The following AXIN1 variants were observed in gnomAD, a reference collection of about 807,000 sequenced individuals.
AXIN1 encodes the protein axin 1.
AXIN1 carries 30 observed loss-of-function variants against 76.4 expected under a neutral mutation model. That is an observed-to-expected ratio of 0.39 (90% CI 0.29 to 0.53). AXIN1 has a LOEUF of 0.53. AXIN1 is among the 20% of genes least tolerant of loss of function. The pLI is 0.66. For synonymous variants in AXIN1, 545 were observed against 501.4 expected (o/e 1.09, Z -1.16); for missense variants, 1,140 against 1,198.8 (o/e 0.95, Z 0.72).
intron 5 of AXIN1, chr16:299,146 C>T: frequency 3.0e-6 from 3 of 985,436 alleles, no homozygotes; most frequent in Non-Finnish European, 3.6e-6. Context: ...TGACGAGCTT[C>T]CACATGAAGC....
intron 2 of AXIN1, among the ~76,000 whole-genome samples, chr16:330,216 A>G (rs2053666873): frequency 6.6e-6 from 1 of 151,924 alleles, no homozygotes; most frequent in Non-Finnish European, 1.5e-5. Context: ...GCATGCCACC[A>G]CACTCATCTC....
rs1350750415 is a variant in AXIN1 at position 346,537 on chromosome 16, G to A, written c.489C>T (p.Ala163=). 3 of 1,614,066 alleles carry A rather than the reference G, an allele frequency of 1.9e-6. No homozygotes were observed. The African/African-American group carries it at 4.0e-5, about 22-fold the overall frequency. Residue 163 remains alanine, a synonymous_variant, in exon 2 of 11, where the codon GCC becomes GCT. Coordinates refer to ENST00000262320, the MANE Select transcript of AXIN1 (RefSeq NM_003502.4). ...TGCAGCCCTTTATGAAGCTCTTGGT[G>A]GCTGGCTTGGTCTGCCGGGACACGA... ...NGIVSRQTKP[A]TKSFIKGCIM...
rs1309987715 is a variant in AXIN1, at chr16:320,721, GTGTATATA to G, written c.879-6046_879-6039del. On this transcript the variant is annotated intron_variant, in intron 2 of 10. Transcript: ENST00000262320. ...TATATGCATACGTATATGCGTGTGT[GTGTATATA>G]TATATATATATATATTTTTTTTTTT... Among the ~76,000 whole-genome samples the G allele has an allele frequency of 1.9e-3, 226 of 120,072 alleles. 2 individuals are homozygous for G. Among genetic ancestry groups the G allele is most frequent in the Non-Finnish European group, 2.8e-3 (165 of 59,758 alleles). 78.8% of individuals were successfully genotyped at this position (120,072 alleles called of 152,430 possible).
intron 1 of AXIN1, among the ~76,000 whole-genome samples, chr16:350,469 C>T (rs1038056273): frequency 3.9e-5 from 6 of 152,234 alleles, no homozygotes; most frequent in African/African-American, 7.2e-5. Context: ...AATTCCCTTT[C>T]GTCACCGCTT....
intron 2 of AXIN1, among the ~76,000 whole-genome samples, chr16:341,363 G>A (rs140228304): frequency 0.046 from 7,012 of 152,336 alleles, 218 homozygotes; most frequent in Middle Eastern, 0.075. Context: ...CAGAGCAGCC[G>A]GCCAGCCCTG....
chr16:344,154 C>T (rs112190566), intron 2 of AXIN1, among the ~76,000 whole-genome samples: 9,314 of 152,044 alleles, frequency 0.061, 920 homozygotes, highest in African/African-American at 0.21. Context: ...GAAAAAAGGC[C>T]GGGCGTGGTG....
chr16:288,426 G>A (rs543997717), intron 10 of AXIN1, 178 bp from the exon 11 acceptor site: 47 of 884,068 alleles, frequency 5.3e-5, no homozygotes, highest in East Asian at 2.7e-5. Flanking sequence ...ATGACCACAT[G>A]TGGGTGAAGT....
intron 5 of AXIN1, chr16:299,345 T>C (rs1261326696): frequency 4.8e-6 from 3 of 619,082 alleles, no homozygotes; most frequent in Non-Finnish European, 6.0e-6. Context: ...TAAGTTACCA[T>C]GTATCTATGT....
rs2052731212 is a variant in AXIN1 at position 297,080 on chromosome 16, C to T, written c.1931G>A (p.Ser644Asn). Residue 644 changes from serine (S) to asparagine (N), a missense_variant, in exon 7 of 11, where the codon AGC (serine) becomes AAC (asparagine). Ser to Asn is a conservative substitution (Grantham distance 46). Coordinates refer to ENST00000262320, the MANE Select transcript of AXIN1 (RefSeq NM_003502.4). ...QWIIEGEKEI[S>N]RHRRTGHGSS... ...CCCGTGGCCGGTCCTGCGGTGCCTGCTGATCTCCTTTTCCCCCTCAATGAT... is the reference window on the plus strand; with the variant it reads ...CCCGTGGCCGGTCCTGCGGTGCCTGTTGATCTCCTTTTCCCCCTCAATGAT... 3 of 1,612,252 alleles carry T rather than the reference C, an allele frequency of 1.9e-6. No homozygotes were observed. In the South Asian group the frequency reaches 3.3e-5, roughly 18 times the overall value.
chr16:326,394 T>TATATATACACACAC (rs144093618), intron 2 of AXIN1, among the ~76,000 whole-genome samples: 2 of 119,658 alleles, frequency 1.7e-5, no homozygotes, highest in African/African-American at 7.1e-5. Flanking sequence ...TATATATATA[T>TATATATACACACAC]ACACACCTAT....
chr16:314,811 G>A (rs1276825732), intron 2 of AXIN1, 128 bp from the exon 3 acceptor site: 3 of 1,403,774 alleles, frequency 2.1e-6, no homozygotes, highest in Non-Finnish European at 2.9e-6. Context: ...GAGAAAATAA[G>A]GAGCATGGAG....
chr16:307,930 G>T (rs2053071187), intron 4 of AXIN1, among the ~76,000 whole-genome samples: 1 of 152,232 alleles, frequency 6.6e-6, no homozygotes, highest in Admixed American at 6.5e-5. Flanking sequence ...CCCGTGATGT[G>T]GGTTTCTCAC....
At chr16:334,576 CTAAT>C (rs1251127424) in intron 2 of AXIN1, among the ~76,000 whole-genome samples, 3 of 151,752 alleles carry the variant, frequency 2.0e-5, no homozygotes, top group Admixed American at 6.6e-5. Context: ...CCATGGCACA[CTAAT>C]TACACAGCAC....
Position 298,134 on chromosome 16 carries a change from C to T in AXIN1, c.1372G>A (p.Gly458Arg), listed in dbSNP as rs1047458992. 1.0e-5 allele frequency: 16 copies of T among 1,544,034 alleles called. No individual in the cohort carries two copies. The African/African-American group carries it at 1.2e-4, about 12-fold the overall frequency. ...TTCTCCTCGTGTGCATCCCGGAGCC[C>T]GGCACAGCCCATGTCCACACAGCGG... ...PPRCVDMGCA[G>R]LRDAHEENPE... The change falls in exon 6 of 11, where the codon GGG becomes AGG. Residue 458 changes from glycine (G) to arginine (R), a missense_variant. Coordinates refer to ENST00000262320, the MANE Select transcript of AXIN1 (RefSeq NM_003502.4).
At chr16:303,960 G>A (rs1277791051) in intron 5 of AXIN1, among the ~76,000 whole-genome samples, 1 of 152,154 alleles carries the variant, frequency 6.6e-6, no homozygotes, top group African/African-American at 2.4e-5. Context: ...AGCCACACGG[G>A]GTGAAGAAGT....
At chr16:317,159 T>C (rs541072256) in intron 2 of AXIN1, among the ~76,000 whole-genome samples, 2 of 152,200 alleles carry the variant, frequency 1.3e-5, no homozygotes, top group South Asian at 4.2e-4. Flanking sequence ...GAAAGGCCCT[T>C]TGACAAGATG....
rs1236336005 is a variant in AXIN1, at chr16:352,377, G to C, written c.-90C>G. ...AGCCCGGCCCTACTCACCCGCGCGC[G>C]GTGGTGGCGGGACCCCGGGCCCGGC... On this transcript the variant is annotated 5_prime_UTR_variant, in exon 1 of 11. Coordinates refer to ENST00000262320, the MANE Select transcript of AXIN1 (RefSeq NM_003502.4). 1.2e-5 allele frequency: 12 copies of C among 979,090 alleles called. No homozygotes were observed. Among genetic ancestry groups the C allele is most frequent in the Non-Finnish European group, 1.2e-5 (10 of 827,510 alleles). 60.7% of individuals were successfully genotyped at this position (979,090 alleles called of 1,614,324 possible).
chr16:346,134 G>A lies in AXIN1; in HGVS notation c.878+14C>T, dbSNP rs1308003012. 1.2e-6 allele frequency: 2 copies of A among 1,611,914 alleles called. No individual in the cohort carries two copies. Among genetic ancestry groups the A allele is most frequent in the South Asian group, 2.2e-5 (2 of 91,056 alleles). On this transcript the variant is annotated intron_variant, in intron 2 of 10. Transcript: ENST00000262320. Reference sequence around the variant, plus strand: ...AGGTGAGTACAGAAAGTGGACGCCTGGCGTCGGACTCACCTGAACTCTCTG... The same window carrying A: ...AGGTGAGTACAGAAAGTGGACGCCTAGCGTCGGACTCACCTGAACTCTCTG...
intron 8 of AXIN1, 145 bp from the exon 9 acceptor site, chr16:291,442 A>G: frequency 1.4e-6 from 1 of 722,966 alleles, no homozygotes; most frequent in Non-Finnish European, 2.4e-6. Flanking sequence ...TTTGCAGGGT[A>G]GACAAGACAC....
Sources: gnomAD v4.1 joint callset for allele counts (sites outside exome capture counted in the v4.1 genomes callset) on GRCh38, gnomAD v4.1.1 for gene constraint, MANE v1.5 for transcripts, NCBI Gene and HGNC (gene_info 2026-07-23, HGNC 2026-07-21) for gene names.